Variants in FAM171A1 observed in about 807,000 individuals in gnomAD.
The protein encoded by FAM171A1 is protein FAM171A1.
A neutral mutation model predicts 74.9 loss-of-function variants in FAM171A1; 23 were observed. That is an observed-to-expected ratio of 0.31 (90% CI 0.22 to 0.44). The LOEUF is 0.44. FAM171A1 is among the 20% of genes least tolerant of loss of function. FAM171A1 has a pLI of 1.00. For synonymous variants in FAM171A1, 527 were observed against 505.7 expected (o/e 1.04, Z -0.57); for missense variants, 1,162 against 1,159.2 (o/e 1.00, Z -0.03).
intron 1 of FAM171A1, among the ~76,000 whole-genome samples, chr10:15,351,359 G>A (rs1835874572): frequency 6.6e-6 from 1 of 152,150 alleles, no homozygotes; most frequent in South Asian, 2.1e-4. Context: ...GAGGTCGCGT[G>A]TGGGATGAAC....
At chr10:15,243,985 C>T (rs1168424099) in intron 5 of FAM171A1, among the ~76,000 whole-genome samples, 1 of 152,076 alleles carries the variant, frequency 6.6e-6, no homozygotes, top group African/African-American at 2.4e-5. Flanking sequence ...CTCCTAACCT[C>T]GTGATCTGCC....
intron 3 of FAM171A1, among the ~76,000 whole-genome samples, chr10:15,258,949 C>T (rs376771064): frequency 2.0e-5 from 3 of 152,334 alleles, no homozygotes; most frequent in African/African-American, 4.8e-5. Flanking sequence ...TGGTACCATC[C>T]ACTCCAGCAT....
At position 15,213,156 on chromosome 10, in the gene FAM171A1, C is replaced by T; in HGVS notation, c.2432G>A (p.Ser811Asn). The T allele has an allele frequency of 6.2e-7, 1 of 1,614,190 alleles. No individual in the cohort carries two copies. Among genetic ancestry groups the T allele is most frequent in the Non-Finnish European group, 8.5e-7 (1 of 1,180,056 alleles). The stretch of plus-strand genomic sequence containing the variant: ...CCCCTCCAACAAGCATCGCAGGGCA[C>T]TGTCCTCGGGGGTACAGACCGTGGT... ...CGTTVCTPED[S>N]ALRCLLEGSS... The change falls in exon 8 of 8, where the codon AGT (serine) becomes AAT (asparagine). Residue 811 changes from serine (S) to asparagine (N), a missense_variant. Physicochemically the swap from Ser to Asn is conservative, Grantham distance 46 (BLOSUM62 1). Transcript: ENST00000378116. The surrounding 1 kb of genome is among the most constrained non-coding windows in gnomAD (Gnocchi z 6.8).
chr10:15,328,161 C>T (rs1835580679), intron 1 of FAM171A1, among the ~76,000 whole-genome samples: 1 of 151,610 alleles, frequency 6.6e-6, no homozygotes, highest in African/African-American at 2.4e-5. Context: ...AAATTTTTTC[C>T]GAGATGGAGT....
At chr10:15,365,406 G>C (rs570433415) in intron 1 of FAM171A1, among the ~76,000 whole-genome samples, 1 of 152,298 alleles carries the variant, frequency 6.6e-6, no homozygotes, top group South Asian at 2.1e-4. Flanking sequence ...GCGAGAGCCT[G>C]AGTCGTCCAT....
intron 2 of FAM171A1, among the ~76,000 whole-genome samples, chr10:15,281,613 G>C (rs1285673318): frequency 6.6e-6 from 1 of 152,198 alleles, no homozygotes; most frequent in Non-Finnish European, 1.5e-5. Context: ...TGTAATCCCA[G>C]AACTTTGGGA....
chr10:15,333,926 G>A (rs1835671077), intron 1 of FAM171A1, among the ~76,000 whole-genome samples: 1 of 152,050 alleles, frequency 6.6e-6, no homozygotes, highest in South Asian at 2.1e-4. Context: ...TCCTTTTGGG[G>A]TCGTTTCAGA....
At chr10:15,363,907 T>A (rs1300130281) in intron 1 of FAM171A1, among the ~76,000 whole-genome samples, 3 of 152,120 alleles carry the variant, frequency 2.0e-5, no homozygotes, top group Non-Finnish European at 2.9e-5. Flanking sequence ...CTCATCAGCA[T>A]GGGGGCTTCT....
intron 1 of FAM171A1, among the ~76,000 whole-genome samples, chr10:15,316,991 T>C (rs1588550384): frequency 6.6e-6 from 1 of 151,152 alleles, no homozygotes; most frequent in Non-Finnish European, 1.5e-5. Context: ...TCACCAGCAC[T>C]GGAGCTGCCC....
intron 3 of FAM171A1, among the ~76,000 whole-genome samples, chr10:15,271,970 G>A (rs1364493545): frequency 6.6e-6 from 1 of 152,174 alleles, no homozygotes; most frequent in Non-Finnish European, 1.5e-5. Context: ...GGAAGAAACT[G>A]CATCAACTAA....
intron 5 of FAM171A1, among the ~76,000 whole-genome samples, chr10:15,228,489 T>C (rs1186562707): frequency 2.0e-5 from 3 of 151,918 alleles, no homozygotes; most frequent in Non-Finnish European, 2.9e-5. Flanking sequence ...ACTACAGGCA[T>C]GCACCACCAC....
rs1835070911 is a variant in FAM171A1, at chr10:15,288,853, A to T, written c.98-4748T>A. The stretch of plus-strand genomic sequence containing the variant: ...TTTTTTTTTTTTGAGACAGAGTCTC[A>T]TTCTTGTTGCCCAGGCTGGAGTGCA... On this transcript the variant is annotated intron_variant, in intron 1 of 7. Coordinates refer to ENST00000378116, the MANE Select transcript of FAM171A1 (RefSeq NM_001010924.2). 3.9e-5 allele frequency among the ~76,000 whole-genome samples: 4 copies of T among 103,682 alleles called. No individual in the cohort carries two copies. The South Asian group carries it at 1.2e-3, about 31-fold the overall frequency. 68.0% of individuals were successfully genotyped at this position (103,682 alleles called of 152,430 possible).
chr10:15,294,020 G>A (rs1355161133), intron 1 of FAM171A1, among the ~76,000 whole-genome samples: 1 of 152,206 alleles, frequency 6.6e-6, no homozygotes, highest in Non-Finnish European at 1.5e-5. Flanking sequence ...TCAGCAGCAT[G>A]AAGAAGCAGG....
intron 1 of FAM171A1, 68 bp downstream of exon 1, chr10:15,370,888 C>G (rs1026826779): frequency 2.7e-4 from 223 of 818,528 alleles, no homozygotes; most frequent in Non-Finnish European, 3.2e-4. Flanking sequence ...CCGCCGCCGC[C>G]GCCGCCGCCG....
intron 6 of FAM171A1, among the ~76,000 whole-genome samples, chr10:15,219,928 A>C (rs565646317): frequency 6.6e-6 from 1 of 152,344 alleles, no homozygotes; most frequent in South Asian, 2.1e-4. Flanking sequence ...AAATTTTCTT[A>C]GTATGGTGAT....
At chr10:15,229,918 CCAA>C (rs1240934817) in intron 5 of FAM171A1, among the ~76,000 whole-genome samples, 2 of 84,798 alleles carry the variant, frequency 2.4e-5, no homozygotes. Flanking sequence ...ACCACCATCA[CCAA>C]CATCATCATC....
chr10:15,229,801 TCAC>T (rs1588500524), intron 5 of FAM171A1, among the ~76,000 whole-genome samples: 376 of 4,560 alleles, frequency 0.082, 16 homozygotes, highest in Middle Eastern at 0.38. Context: ...ATCACCATCA[TCAC>T]CATCACCACC....
intron 5 of FAM171A1, among the ~76,000 whole-genome samples, chr10:15,225,690 C>T (rs911082206): frequency 9.2e-5 from 14 of 152,252 alleles, no homozygotes; most frequent in Non-Finnish European, 1.5e-4. Flanking sequence ...AATATGGGAC[C>T]GCTGGGTGTT....
chr10:15,355,964 G>A (rs1835927639), intron 1 of FAM171A1, among the ~76,000 whole-genome samples: 1 of 151,938 alleles, frequency 6.6e-6, no homozygotes, highest in Admixed American at 6.6e-5. Context: ...TGGTAGGTGT[G>A]TGATAAAGTG....
Sources: allele counts gnomAD v4.1 joint callset (sites outside exome capture counted in the v4.1 genomes callset), GRCh38; gene constraint gnomAD v4.1.1; non-coding constraint Gnocchi (gnomAD v3.1); transcripts MANE v1.5; gene names NCBI Gene and HGNC (gene_info 2026-07-23, HGNC 2026-07-21).